CDKN2B-AS1: variants seen among roughly 807,000 people sequenced by gnomAD.
The protein encoded by CDKN2B-AS1 is CDKN2B and CDKN2A antisense cis and trans regulatory RNA 1.
At chr9:22,024,547 A>G (rs1209210586) in intron 1 of CDKN2B-AS1, among the ~76,000 whole-genome samples, 1 of 152,196 alleles carries the variant, frequency 6.6e-6, no homozygotes, top group Non-Finnish European at 1.5e-5. Flanking sequence ...GGGATTGCTC[A>G]GGGTGTGGGA....
intron 4 of CDKN2B-AS1, among the ~76,000 whole-genome samples, chr9:22,124,296 A>T (rs1359717422): frequency 6.6e-6 from 1 of 152,238 alleles, no homozygotes; most frequent in African/African-American, 2.4e-5. Context: ...GGATGGGTAG[A>T]CAAAATGTAG....
intron 4 of CDKN2B-AS1, among the ~76,000 whole-genome samples, chr9:22,088,278 T>C (rs1467504953): frequency 1.3e-5 from 2 of 152,346 alleles, no homozygotes; most frequent in East Asian, 1.9e-4. Flanking sequence ...TGCAATGTTT[T>C]ATTATACTTG....
chr9:22,044,900 A>G (rs1388331699), intron 1 of CDKN2B-AS1, among the ~76,000 whole-genome samples: 2 of 152,040 alleles, frequency 1.3e-5, no homozygotes, highest in African/African-American at 2.4e-5. Flanking sequence ...CTCTCTCCTA[A>G]GAATACTACT....
intron 1 of CDKN2B-AS1, chr9:22,029,402 G>A (rs1822372392): frequency 1.3e-6 from 1 of 778,940 alleles, no homozygotes; most frequent in Non-Finnish European, 2.4e-6. Flanking sequence ...AGACTTGTCT[G>A]ACAAATCCAG....
intron 3 of CDKN2B-AS1, among the ~76,000 whole-genome samples, chr9:22,050,682 C>T (rs1823309673): frequency 6.6e-6 from 1 of 152,122 alleles, no homozygotes; most frequent in Non-Finnish European, 1.5e-5. Flanking sequence ...TGTACTAAGA[C>T]AATTGGAGGT....
chr9:22,073,970 T>C (rs1824396542), intron 4 of CDKN2B-AS1, among the ~76,000 whole-genome samples: 1 of 151,938 alleles, frequency 6.6e-6, no homozygotes, highest in Non-Finnish European at 1.5e-5. Context: ...TTCAGGTGAT[T>C]CTCCCACCTC....
At chr9:22,053,096 C>G (rs1297262111) in intron 3 of CDKN2B-AS1, among the ~76,000 whole-genome samples, 2 of 152,194 alleles carry the variant, frequency 1.3e-5, no homozygotes, top group Non-Finnish European at 2.9e-5. Context: ...ACCTTGTACT[C>G]TCAAAAGTTT....
At chr9:22,064,208 T>G (rs1352479126) in intron 4 of CDKN2B-AS1, among the ~76,000 whole-genome samples, 2 of 152,116 alleles carry the variant, frequency 1.3e-5, no homozygotes, top group Admixed American at 1.3e-4. Context: ...TTGAAGAATG[T>G]GATCAGGAGG....
chr9:22,053,451 A>G (rs780029123), intron 3 of CDKN2B-AS1, among the ~76,000 whole-genome samples: 1 of 152,218 alleles, frequency 6.6e-6, no homozygotes, highest in Non-Finnish European at 1.5e-5. Flanking sequence ...GTTTTTCAGC[A>G]TGTTTCACCT....
chr9:22,004,809 T>C (rs1368533944), intron 1 of CDKN2B-AS1: 1 of 233,000 alleles, frequency 4.3e-6, no homozygotes, highest in Non-Finnish European at 8.5e-6. Context: ...CTAAAAGACA[T>C]TTGGAATATT....
At chr9:22,120,049 G>C (rs1421912986) in intron 4 of CDKN2B-AS1, 1 of 152,200 alleles carries the variant, frequency 6.6e-6, no homozygotes, top group Non-Finnish European at 1.5e-5. Flanking sequence ...AGAAAGTTAT[G>C]TCTGAAATAT....
At chr9:22,090,269 A>G (rs1346522727) in intron 4 of CDKN2B-AS1, among the ~76,000 whole-genome samples, 15 of 152,078 alleles carry the variant, frequency 9.9e-5, no homozygotes, top group Admixed American at 1.3e-4. Flanking sequence ...GCTATTGTCA[A>G]TAGTGCCACA....
chr9:22,017,576 A>C (rs142367370), intron 1 of CDKN2B-AS1, among the ~76,000 whole-genome samples: 24 of 152,334 alleles, frequency 1.6e-4, no homozygotes, highest in Middle Eastern at 6.8e-3. Context: ...TATTATATTT[A>C]GTTCAGTTAC....
At chr9:22,015,545 T>C (rs1012944950) in intron 1 of CDKN2B-AS1, among the ~76,000 whole-genome samples, 6 of 152,228 alleles carry the variant, frequency 3.9e-5, no homozygotes, top group African/African-American at 1.4e-4. Flanking sequence ...AATTTATAGA[T>C]CAATTTGGGG....
intron 1 of CDKN2B-AS1, among the ~76,000 whole-genome samples, chr9:22,031,286 C>T (rs1009052473): frequency 1.3e-5 from 2 of 152,174 alleles, no homozygotes; most frequent in Non-Finnish European, 2.9e-5. Context: ...GTTACACCTA[C>T]AGTCCATATA....
At chr9:22,047,542 T>A (rs1823156971) in intron 2 of CDKN2B-AS1, among the ~76,000 whole-genome samples, 1 of 152,120 alleles carries the variant, frequency 6.6e-6, no homozygotes, top group Non-Finnish European at 1.5e-5. Context: ...TCTATAACAT[T>A]ATAGTACATT....
intron 4 of CDKN2B-AS1, among the ~76,000 whole-genome samples, chr9:22,074,754 G>A (rs1036555173): frequency 2.0e-5 from 3 of 152,170 alleles, no homozygotes; most frequent in African/African-American, 7.2e-5. Context: ...AGGCAAGTGA[G>A]ATGCATATCT....
intron 1 of CDKN2B-AS1, chr9:22,004,961 C>CTG: frequency 4.3e-6 from 1 of 233,326 alleles, no homozygotes; most frequent in Non-Finnish European, 8.5e-6. Flanking sequence ...CATTTAAGAG[C>CTG]TGTAGTTCTT....
At position 22,012,266 on chromosome 9, in the gene CDKN2B-AS1, C is replaced by G. The variant is rs982775284; in HGVS notation, n.29+17105C>G. On this transcript the variant is annotated intron_variant and non_coding_transcript_variant, in intron 1 of 4. Transcript: ENST00000650946. The stretch of plus-strand genomic sequence containing the variant: ...AATTCAAGACAAGGAGGGTATCCCC[C>G]CTGACAAGCAGCGTCTGATATTTGC... 13 of 1,449,944 alleles carry G rather than the reference C, an allele frequency of 9.0e-6. No individual in the cohort carries two copies. In the African/African-American group the frequency reaches 9.8e-5, roughly 11 times the overall value. The allele number at this position is 1,449,944 out of a possible 1,614,324, so 89.8% of individuals were successfully genotyped here. A position where few individuals can be genotyped will look rare whatever the true frequency, so the allele number is the denominator to read the frequency against.
Sources: allele counts gnomAD v4.1 joint callset (sites outside exome capture counted in the v4.1 genomes callset), GRCh38; gene constraint gnomAD v4.1.1; transcripts MANE v1.5; gene names NCBI Gene and HGNC (gene_info 2026-07-23, HGNC 2026-07-21).